The following TMEM135 variants were observed in gnomAD, a reference collection of about 807,000 sequenced individuals.
TMEM135 encodes peroxisomal membrane protein 52.
TMEM135 carries 30 observed loss-of-function variants against 60.3 expected under a neutral mutation model. That is an observed-to-expected ratio of 0.50 (90% CI 0.37 to 0.68). The LOEUF is 0.68. Ranked by LOEUF, TMEM135 falls within the 30% of genes least tolerant of loss-of-function variation. The pLI is 0.00. For synonymous variants in TMEM135, 190 were observed against 186.7 expected, an observed-to-expected ratio of 1.02 and a Z score of -0.14; for missense variants, 468 against 548.8, an observed-to-expected ratio of 0.85 and a Z score of 1.47.
intron 5 of TMEM135, among the ~76,000 whole-genome samples, chr11:87,168,586 T>G (rs1939135026): frequency 6.6e-6 from 1 of 152,208 alleles, no homozygotes; most frequent in Admixed American, 6.5e-5. Flanking sequence ...CAGGAGCAGG[T>G]TGTTCAGTTT....
At chr11:87,159,614 C>CACACGCAT (rs2135271334) in intron 5 of TMEM135, among the ~76,000 whole-genome samples, 1 of 146,332 alleles carries the variant, frequency 6.8e-6, no homozygotes, top group African/African-American at 2.5e-5. Flanking sequence ...CACACACACA[C>CACACGCAT]ACACCATAGA....
intron 10 of TMEM135, among the ~76,000 whole-genome samples, chr11:87,309,874 G>A (rs190105284): frequency 1.3e-3 from 199 of 152,034 alleles, no homozygotes; most frequent in African/African-American, 4.5e-3. Context: ...TAATATACTC[G>A]AGTGTGTAGA....
intron 4 of TMEM135, among the ~76,000 whole-genome samples, chr11:87,117,354 G>C (rs556525094): frequency 7.2e-5 from 11 of 152,234 alleles, no homozygotes; most frequent in African/African-American, 2.2e-4. Flanking sequence ...TTTCATGAAA[G>C]ATCTCTCTGA....
intron 4 of TMEM135, among the ~76,000 whole-genome samples, chr11:87,139,325 T>G (rs966142623): frequency 6.6e-5 from 10 of 152,210 alleles, no homozygotes; most frequent in African/African-American, 1.9e-4. Context: ...GAACTTCATG[T>G]ATTTTAAGTT....
chr11:87,055,809 C>G (rs899179047), intron 1 of TMEM135, among the ~76,000 whole-genome samples: 3 of 151,934 alleles, frequency 2.0e-5, no homozygotes, highest in African/African-American at 4.8e-5. Context: ...AGGCTGGTCT[C>G]GAACTTCTGA....
At chr11:87,217,677 C>T (rs766727454) in intron 5 of TMEM135, among the ~76,000 whole-genome samples, 2 of 151,726 alleles carry the variant, frequency 1.3e-5, no homozygotes, top group Non-Finnish European at 1.5e-5. Flanking sequence ...CCCAGCTACT[C>T]GGGAGCCTGA....
chr11:87,138,048 G>T (rs1019783494), intron 4 of TMEM135, among the ~76,000 whole-genome samples: 4 of 150,276 alleles, frequency 2.7e-5, no homozygotes, highest in African/African-American at 9.8e-5. Context: ...AATGAAAACA[G>T]GTTAGACATT....
At chr11:87,237,756 A>G (rs1484324400) in intron 6 of TMEM135, among the ~76,000 whole-genome samples, 1 of 151,902 alleles carries the variant, frequency 6.6e-6, no homozygotes, top group Non-Finnish European at 1.5e-5. Flanking sequence ...GCTATCAAAT[A>G]GTAGGTCTCA....
chr11:87,151,526 A>G (rs1023990458), intron 4 of TMEM135, among the ~76,000 whole-genome samples: 1 of 151,940 alleles, frequency 6.6e-6, no homozygotes, highest in African/African-American at 2.4e-5. Context: ...TTAAATGCCT[A>G]TTGATTCTTG....
At chr11:87,247,787 T>C (rs912094574) in intron 6 of TMEM135, among the ~76,000 whole-genome samples, 5 of 152,134 alleles carry the variant, frequency 3.3e-5, no homozygotes, top group Non-Finnish European at 7.4e-5. Context: ...GAAAGGGAAC[T>C]CCCTGATCCC....
At chr11:87,258,983 CG>C in intron 6 of TMEM135, 1 of 1,528,630 alleles carries the variant, frequency 6.5e-7, no homozygotes, top group East Asian at 2.3e-5. Context: ...TCAAAGACAA[CG>C]GGAAGAACCA....
chr11:87,244,472 A>C (rs1941210919), intron 6 of TMEM135, among the ~76,000 whole-genome samples: 1 of 97,258 alleles, frequency 1.0e-5, no homozygotes, highest in South Asian at 3.3e-4. Context: ...CTGTGAATCC[A>C]TCTGTCCTGG....
intron 2 of TMEM135, among the ~76,000 whole-genome samples, chr11:87,068,947 C>G (rs1157004331): frequency 6.6e-6 from 1 of 151,606 alleles, no homozygotes; most frequent in Non-Finnish European, 1.5e-5. Context: ...TTGAACAAAT[C>G]ATGCCTTTAA....
chr11:87,078,992 C>A (rs1856929477), intron 3 of TMEM135, among the ~76,000 whole-genome samples: 1 of 151,416 alleles, frequency 6.6e-6, no homozygotes, highest in African/African-American at 2.4e-5. Flanking sequence ...TTTTATTTTA[C>A]TTTATTATTT....
intron 3 of TMEM135, among the ~76,000 whole-genome samples, chr11:87,072,257 T>C (rs561722339): frequency 6.6e-6 from 1 of 152,166 alleles, no homozygotes; most frequent in African/African-American, 2.4e-5. Context: ...CATAATAGCA[T>C]TTCACACTTA....
chr11:87,128,345 C>G (rs1335267097), intron 4 of TMEM135, among the ~76,000 whole-genome samples: 1 of 152,146 alleles, frequency 6.6e-6, no homozygotes, highest in Non-Finnish European at 1.5e-5. Flanking sequence ...TCCTTTGACT[C>G]CAGATCTTTG....
Position 87,236,661 on chromosome 11 carries a change from T to C in TMEM135, c.486T>C (p.Ala162=). Residue 162 remains alanine, a synonymous_variant, in exon 6 of 15, where the codon GCT becomes GCC. Transcript: ENST00000305494. The stretch of plus-strand genomic sequence containing the variant: ...AGGTCCTTTTGTTTTGCATCACAGC[T>C]GCCATGTACATGTTCTTTTTCAGGT... The part of the protein sequence containing the change: ...NGEVLLFCIT[A]AMYMFFFRCK... 1 of 1,612,486 alleles carries C rather than the reference T, an allele frequency of 6.2e-7. No individual in the cohort carries two copies. Among genetic ancestry groups the C allele is most frequent in the Non-Finnish European group, 8.5e-7 (1 of 1,178,964 alleles).
chr11:87,317,080 A>G (rs936899921), intron 12 of TMEM135, among the ~76,000 whole-genome samples: 8 of 152,032 alleles, frequency 5.3e-5, no homozygotes, highest in Admixed American at 3.9e-4. Flanking sequence ...AGTCAAATGC[A>G]TGTATTTATT....
intron 11 of TMEM135, 115 bp downstream of exon 11, chr11:87,313,603 A>G: frequency 1.1e-6 from 1 of 933,552 alleles, no homozygotes; most frequent in Non-Finnish European, 1.7e-6. Context: ...CTATCGTAAT[A>G]GAATTCCAGT....
Sources: gnomAD v4.1 joint callset for allele counts (sites outside exome capture counted in the v4.1 genomes callset) on GRCh38, gnomAD v4.1.1 for gene constraint, MANE v1.5 for transcripts, NCBI Gene and HGNC (gene_info 2026-07-23, HGNC 2026-07-21) for gene names.